Variants in SND1 observed in about 807,000 individuals in gnomAD.
SND1 encodes the protein staphylococcal nuclease and tudor domain containing 1, also known as staphylococcal nuclease domain-containing protein 1.
SND1 carries 38 observed loss-of-function variants against 121.7 expected under a neutral mutation model. The observed-to-expected ratio is 0.31, with a 90% confidence interval of 0.24 to 0.41. The LOEUF (loss-of-function observed/expected upper bound fraction) is 0.41. Ranked by LOEUF, SND1 falls within the 10% of genes least tolerant of loss-of-function variation. The pLI, the probability that SND1 is intolerant of heterozygous loss-of-function variation, is 1.00. For missense variants in SND1, 868 were observed against 1,184.6 expected (o/e 0.73, Z 3.92); for synonymous variants, 401 against 447.4 (o/e 0.90, Z 1.31).
At chr7:127,750,503 C>T (rs1382650489) in intron 10 of SND1, among the ~76,000 whole-genome samples, 1 of 151,986 alleles carries the variant, frequency 6.6e-6, no homozygotes, top group African/African-American at 2.4e-5. Flanking sequence ...GGGTAGGAAC[C>T]CCATAATTAA....
intron 12 of SND1, among the ~76,000 whole-genome samples, chr7:127,852,930 G>T (rs1366976638): frequency 6.6e-6 from 1 of 151,874 alleles, no homozygotes; most frequent in South Asian, 2.1e-4. Context: ...TTAAATATTT[G>T]TAAACTTTCA....
intron 1 of SND1, among the ~76,000 whole-genome samples, chr7:127,663,337 T>C (rs1795352343): frequency 6.6e-6 from 1 of 152,096 alleles, no homozygotes; most frequent in Non-Finnish European, 1.5e-5. Context: ...TTTTGACCCA[T>C]GGTTGGTTGA....
intron 14 of SND1, among the ~76,000 whole-genome samples, chr7:127,911,159 C>T (rs944773283): frequency 2.6e-5 from 4 of 152,138 alleles, no homozygotes; most frequent in African/African-American, 9.7e-5. Flanking sequence ...TTTCTTTCTT[C>T]TTCTTTCTTC....
intron 16 of SND1, among the ~76,000 whole-genome samples, chr7:128,068,939 C>G (rs1022829960): frequency 6.6e-6 from 1 of 152,238 alleles, no homozygotes; most frequent in Non-Finnish European, 1.5e-5. Context: ...CACTGTGAGG[C>G]AGCAGGGCCC....
chr7:127,703,390 G>C, intron 7 of SND1, 67 bp downstream of exon 7: 2 of 1,546,974 alleles, frequency 1.3e-6, no homozygotes, highest in Non-Finnish European at 1.8e-6. Flanking sequence ...AAGAATAGGG[G>C]TTTGCTTCTC....
intron 12 of SND1, among the ~76,000 whole-genome samples, chr7:127,844,987 T>C (rs190125572): frequency 5.9e-5 from 9 of 152,312 alleles, no homozygotes; most frequent in Admixed American, 3.3e-4. Flanking sequence ...GCTTCCCCAA[T>C]AAATATTACA....
intron 15 of SND1, among the ~76,000 whole-genome samples, chr7:127,943,975 C>G (rs1332467969): frequency 6.6e-6 from 1 of 152,210 alleles, no homozygotes; most frequent in East Asian, 1.9e-4. Context: ...TGTGGCTCGA[C>G]TGCGTTCCCT....
At chr7:127,666,759 G>T (rs1795427403) in intron 1 of SND1, among the ~76,000 whole-genome samples, 1 of 152,162 alleles carries the variant, frequency 6.6e-6, no homozygotes, top group African/African-American at 2.4e-5. Context: ...TGATATAGCT[G>T]CCTGTTAAAT....
intron 10 of SND1, among the ~76,000 whole-genome samples, chr7:127,735,537 A>ACC (rs1206788221): frequency 6.6e-6 from 1 of 151,830 alleles, no homozygotes; most frequent in East Asian, 1.9e-4. Flanking sequence ...ACATAGTGAG[A>ACC]CCCCCATCTC....
chr7:127,809,755 A>G (rs140501954), intron 11 of SND1, among the ~76,000 whole-genome samples: 87 of 152,322 alleles, frequency 5.7e-4, no homozygotes, highest in African/African-American at 2.0e-3. Flanking sequence ...TAATATGACA[A>G]TTTTGAGGAG....
intron 11 of SND1, among the ~76,000 whole-genome samples, chr7:127,828,803 T>C (rs188384617): frequency 1.3e-5 from 2 of 152,238 alleles, no homozygotes; most frequent in South Asian, 2.1e-4. Context: ...ACTTATCTCC[T>C]GGGCTAAAAG....
intron 10 of SND1, among the ~76,000 whole-genome samples, chr7:127,784,302 G>A (rs17730294): frequency 0.062 from 9,497 of 152,178 alleles, 405 homozygotes; most frequent in Middle Eastern, 0.19. Flanking sequence ...TCTCTGCCGG[G>A]CAAACAAAGC....
Position 127,812,437 on chromosome 7 carries a change from C to T in SND1, c.1242+4864C>T, listed in dbSNP as rs969544019. 1.4e-4 allele frequency among the ~76,000 whole-genome samples: 22 copies of T among 152,290 alleles called. No individual in the cohort carries two copies. In the East Asian group the frequency reaches 2.7e-3, roughly 19 times the overall value. On this transcript the variant is annotated intron_variant, in intron 11 of 23. Transcript: ENST00000354725. ...AAGCAGTGTCAGATTACATGTTCTTCGCCTAAATATACAGACAATGTGAAG... is the reference window on the plus strand; with the variant it reads ...AAGCAGTGTCAGATTACATGTTCTTTGCCTAAATATACAGACAATGTGAAG...
intron 15 of SND1, among the ~76,000 whole-genome samples, chr7:127,930,002 A>G (rs1800928802): frequency 6.6e-6 from 1 of 152,208 alleles, no homozygotes; most frequent in South Asian, 2.1e-4. Flanking sequence ...AGCAATTTAC[A>G]TTTATGCATT....
intron 14 of SND1, among the ~76,000 whole-genome samples, chr7:127,917,435 C>G (rs1322310735): frequency 6.6e-6 from 1 of 152,154 alleles, no homozygotes; most frequent in East Asian, 1.9e-4. Context: ...ACAAGTTGCT[C>G]TCTTTACTAG....
At chr7:127,911,470 A>G (rs796992202) in intron 14 of SND1, among the ~76,000 whole-genome samples, 23 of 152,128 alleles carry the variant, frequency 1.5e-4, no homozygotes, top group East Asian at 5.8e-4. Flanking sequence ...TCAGCCTTCC[A>G]AAGTGCTGGG....
intron 15 of SND1, among the ~76,000 whole-genome samples, chr7:127,966,887 A>T (rs974760206): frequency 2.0e-5 from 3 of 151,144 alleles, no homozygotes; most frequent in Non-Finnish European, 4.4e-5. Context: ...GACACAAAAA[A>T]CCCTTCAAAA....
At chr7:128,039,565 T>C (rs912052277) in intron 16 of SND1, among the ~76,000 whole-genome samples, 12 of 152,192 alleles carry the variant, frequency 7.9e-5, no homozygotes, top group African/African-American at 2.7e-4. Flanking sequence ...ATTTTTAGAA[T>C]TCCTAGCCCC....
At chr7:128,013,440 GAA>G (rs1803158245) in intron 16 of SND1, among the ~76,000 whole-genome samples, 1 of 152,230 alleles carries the variant, frequency 6.6e-6, no homozygotes, top group African/African-American at 2.4e-5. Flanking sequence ...CTATGGCAGG[GAA>G]TGCCTTTACA....
Sources: gnomAD v4.1 joint callset for allele counts (sites outside exome capture counted in the v4.1 genomes callset) on GRCh38, gnomAD v4.1.1 for gene constraint, MANE v1.5 for transcripts, NCBI Gene and HGNC (gene_info 2026-07-23, HGNC 2026-07-21) for gene names.